Variants in SETX observed in about 807,000 individuals in gnomAD.
The protein encoded by SETX is helicase senataxin.
In SETX, 90 loss-of-function variants were observed where a neutral mutation model predicts 227.2. The observed-to-expected ratio is 0.40, with a 90% CI of 0.33 to 0.47. The LOEUF is 0.47. Ranked by LOEUF, SETX falls within the 20% of genes least tolerant of loss-of-function variation. The pLI is 0.91. For missense variants in SETX, 3,052 were observed against 3,181.5 expected (o/e 0.96, Z 0.98); for synonymous variants, 1,210 against 1,113.2 (o/e 1.09, Z -1.73).
rs116822755 is a variant in SETX at position 132,323,430 on chromosome 9, T to C, written c.5274+2894A>G. Among the ~76,000 whole-genome samples the C allele has an allele frequency of 6.6e-3, 1,003 of 152,252 alleles. 10 individuals are homozygous for C. Among genetic ancestry groups the C allele is most frequent in the African/African-American group, 0.022 (932 of 41,550 alleles). On this transcript the variant is annotated intron_variant, in intron 10 of 25. Coordinates refer to ENST00000224140, the MANE Select transcript of SETX (RefSeq NM_015046.7). Reference sequence around the variant, plus strand: ...GGCTTAGCTGAAGATATCTTTCACATAGTCAAAATAACAAAAATGGATCTA... The same window carrying C: ...GGCTTAGCTGAAGATATCTTTCACACAGTCAAAATAACAAAAATGGATCTA...
intron 10 of SETX, among the ~76,000 whole-genome samples, chr9:132,313,933 T>TGG (rs1564522388): frequency 5.4e-4 from 82 of 151,502 alleles, no homozygotes; most frequent in African/African-American, 1.5e-3. Flanking sequence ...TTTTTTGGTT[T>TGG]TTTTTTTTGT....
At chr9:132,326,225 C>T in intron 10 of SETX, 99 bp downstream of exon 10, 1 of 959,662 alleles carries the variant, frequency 1.0e-6, no homozygotes, top group Non-Finnish European at 1.6e-6. Flanking sequence ...CGCAACCACG[C>T]CTGGCTGATT....
chr9:132,331,263 T>G lies in SETX; in HGVS notation c.1010+14A>C, dbSNP rs779373365. 3.7e-6 allele frequency: 6 copies of G among 1,613,820 alleles called. No homozygotes were observed. The highest frequency in any genetic ancestry group is 4.2e-6 in the Non-Finnish European group (5 of 1,179,898). The stretch of plus-strand genomic sequence containing the variant: ...TAGAGATGATGTTTAAATCCTGACA[T>G]TAGCTGAACTAACCTTACAGAGCTG... On this transcript the variant is annotated intron_variant, in intron 8 of 25. Coordinates refer to ENST00000224140, the MANE Select transcript of SETX (RefSeq NM_015046.7).
intron 12 of SETX, among the ~76,000 whole-genome samples, chr9:132,298,820 C>T (rs918054681): frequency 2.0e-5 from 3 of 152,072 alleles, no homozygotes; most frequent in African/African-American, 7.2e-5. Context: ...CAGAGTAAAA[C>T]GGGGCTACAT....
At chr9:132,304,804 C>G (rs1234019793) in intron 11 of SETX, among the ~76,000 whole-genome samples, 2 of 151,962 alleles carry the variant, frequency 1.3e-5, no homozygotes, top group Non-Finnish European at 2.9e-5. Context: ...TCAAGACCAG[C>G]CTAGCCAAAA....
rs139654670 is a variant in SETX, at chr9:132,268,242, G to C, written c.7287+1373C>G. Among the ~76,000 whole-genome samples the C allele has an allele frequency of 6.4e-4, 97 of 152,298 alleles. 2 individuals are homozygous for C. In the East Asian group the frequency reaches 0.018, roughly 29 times the overall value. ...AGAGGTTGCATGCACCCTTCACATG[G>C]GTTCCCCAAATAGTGATAAAAATCA... On this transcript the variant is annotated intron_variant, in intron 25 of 25. Transcript: ENST00000224140.
At chr9:132,312,890 A>G (rs1433878199) in intron 10 of SETX, among the ~76,000 whole-genome samples, 1 of 152,252 alleles carries the variant, frequency 6.6e-6, no homozygotes, top group African/African-American at 2.4e-5. Context: ...TCCATACAAT[A>G]GAATCTCATT....
At chr9:132,305,732 A>T (rs1845296262) in intron 11 of SETX, among the ~76,000 whole-genome samples, 2 of 152,246 alleles carry the variant, frequency 1.3e-5, no homozygotes, top group Non-Finnish European at 2.9e-5. Flanking sequence ...CATGAAAGAC[A>T]GAGAGAATGA....
At chr9:132,285,427 A>C (rs753871577) in intron 18 of SETX, among the ~76,000 whole-genome samples, 2 of 152,222 alleles carry the variant, frequency 1.3e-5, no homozygotes, top group Admixed American at 6.5e-5. Context: ...GTAATTTTTC[A>C]TAACAATTTA....
At chr9:132,301,680 C>G (rs1214690582) in intron 11 of SETX, among the ~76,000 whole-genome samples, 2 of 152,176 alleles carry the variant, frequency 1.3e-5, no homozygotes, top group East Asian at 3.9e-4. Flanking sequence ...GCCTAGGTTC[C>G]TCTAAGTACA....
At chr9:132,341,239 A>C (rs191370455) in intron 5 of SETX, among the ~76,000 whole-genome samples, 60 of 152,184 alleles carry the variant, frequency 3.9e-4, no homozygotes, top group African/African-American at 1.4e-3. Context: ...TATAATAATA[A>C]AAAAAATTTT....
At chr9:132,344,813 T>C (rs971361084) in intron 4 of SETX, among the ~76,000 whole-genome samples, 2 of 141,930 alleles carry the variant, frequency 1.4e-5, no homozygotes, top group African/African-American at 5.3e-5. Context: ...AGGCAGAGGG[T>C]GCAGTGAGCC....
Position 132,349,330 on chromosome 9 carries a change from G to A in SETX, c.99C>T (p.Ala33=), listed in dbSNP as rs762914576. ...SNTPSGEFQT[A]DEDLCYCLEC... is the part of the protein sequence containing the mutation. ...CCAAGCAGTAGCAGAGGTCTTCGTC[G>A]GCTGTTTGAAATTCACCGGACGGAG... is the stretch of plus-strand genomic sequence containing the variant. The change falls in exon 3 of 26, where the codon GCC becomes GCT. Residue 33 remains alanine, a synonymous_variant. Coordinates refer to ENST00000224140, the MANE Select transcript of SETX (RefSeq NM_015046.7). 5.6e-6 allele frequency: 9 copies of A among 1,613,942 alleles called. No homozygotes were observed. Among genetic ancestry groups the A allele is most frequent in the South Asian group, 4.4e-5 (4 of 91,090 alleles).
At chr9:132,342,598 T>C in intron 5 of SETX, 92 bp downstream of exon 5, 1 of 1,000,790 alleles carries the variant, frequency 1.0e-6, no homozygotes, top group Non-Finnish European at 1.6e-6. Flanking sequence ...AGCAAACATT[T>C]TAAACAAAAT....
At chr9:132,278,427 T>G (rs1843295199) in intron 20 of SETX, among the ~76,000 whole-genome samples, 170 bp from the exon 21 acceptor site, 1 of 138,600 alleles carries the variant, frequency 7.2e-6, no homozygotes, top group African/African-American at 2.6e-5. Flanking sequence ...AGCCTCAAAA[T>G]GCCATGAATC....
intron 7 of SETX, among the ~76,000 whole-genome samples, chr9:132,332,052 T>A (rs1035815211): frequency 1.3e-5 from 2 of 152,180 alleles, no homozygotes; most frequent in Non-Finnish European, 2.9e-5. Flanking sequence ...TGTTCTCTAC[T>A]TTTCATCCAA....
chr9:132,334,834 T>C, intron 6 of SETX, 107 bp from the exon 7 acceptor site: 1 of 1,237,392 alleles, frequency 8.1e-7, no homozygotes, highest in Non-Finnish European at 1.2e-6. Flanking sequence ...CAAGATAGTA[T>C]TTAGTTTCTC....
chr9:132,327,741 T>G lies in SETX; in HGVS notation c.3857A>C (p.Lys1286Thr). 4 of 1,614,198 alleles carry G rather than the reference T, an allele frequency of 2.5e-6. No homozygotes were observed. Among genetic ancestry groups the G allele is most frequent in the Non-Finnish European group, 3.4e-6 (4 of 1,180,044 alleles). Reference sequence around the variant, plus strand: ...ACGAGGACCCTTTTTCAGGCCAAGTTTCTCAGCTGTTGAAGTTGGCTCAGG... The same window carrying G: ...ACGAGGACCCTTTTTCAGGCCAAGTGTCTCAGCTGTTGAAGTTGGCTCAGG... Reference protein sequence around the residue: ...QCPEPTSTAEKLGLKKGPRKA... With the variant: ...QCPEPTSTAETLGLKKGPRKA... The change falls in exon 10 of 26, where the codon AAA becomes ACA. Residue 1286 changes from lysine (K) to threonine (T), a missense_variant. Lys to Thr is a moderately conservative substitution (Grantham distance 78). Coordinates refer to ENST00000224140, the MANE Select transcript of SETX (RefSeq NM_015046.7).
At chr9:132,344,602 C>T (rs993457897) in intron 4 of SETX, among the ~76,000 whole-genome samples, 4 of 152,060 alleles carry the variant, frequency 2.6e-5, no homozygotes, top group African/African-American at 4.8e-5. Context: ...GGGCCAGGCA[C>T]GCTGGCTTAC....
Sources: allele counts gnomAD v4.1 joint callset (sites outside exome capture counted in the v4.1 genomes callset), GRCh38; gene constraint gnomAD v4.1.1; transcripts MANE v1.5; gene names NCBI Gene and HGNC (gene_info 2026-07-23, HGNC 2026-07-21).